Variants in EMC8 observed in about 807,000 individuals in gnomAD.
EMC8 encodes the protein ER membrane protein complex subunit 8.
EMC8 carries 11 observed loss-of-function variants against 24.3 expected under a neutral mutation model. The ratio of observed to expected loss-of-function variants is 0.45; its 90% CI spans 0.28 to 0.75. The LOEUF (loss-of-function observed/expected upper bound fraction) is 0.75. EMC8 is among the 30% of genes least tolerant of loss of function. EMC8 has a pLI of 0.12. For missense variants in EMC8, 277 were observed against 282.7 expected (o/e 0.98, Z 0.14); for synonymous variants, 145 against 117.7 (o/e 1.23, Z -1.50).
intron 1 of EMC8, chr16:85,793,069 G>A (rs1905084359): frequency 6.6e-6 from 1 of 152,180 alleles, no homozygotes; most frequent in African/African-American, 2.4e-5. Context: ...ACCACCCTCT[G>A]CTCAATGTCC....
At chr16:85,784,280 G>T (rs111938246) in intron 2 of EMC8, 1 of 152,212 alleles carries the variant, frequency 6.6e-6, no homozygotes, top group Non-Finnish European at 1.5e-5. Context: ...ATATAGGCGT[G>T]AGCCACCGCG....
chr16:85,786,318 C>T (rs941620398), intron 2 of EMC8, among the ~76,000 whole-genome samples: 9 of 152,192 alleles, frequency 5.9e-5, no homozygotes, highest in African/African-American at 2.2e-4. Context: ...AAATTTTCAG[C>T]TAGGTCTGGC....
chr16:85,786,405 G>A (rs1353275029), intron 2 of EMC8, among the ~76,000 whole-genome samples: 3 of 152,218 alleles, frequency 2.0e-5, no homozygotes, highest in Non-Finnish European at 4.4e-5. Context: ...TAGCTCCTGA[G>A]CTCCCAAGCT....
At chr16:85,791,303 T>A (rs1905000469) in intron 1 of EMC8, among the ~76,000 whole-genome samples, 1 of 152,190 alleles carries the variant, frequency 6.6e-6, no homozygotes, top group Non-Finnish European at 1.5e-5. Flanking sequence ...AAAGTGCATG[T>A]TTTATTTTTT....
chr16:85,794,655 C>G (rs773883627), intron 1 of EMC8, among the ~76,000 whole-genome samples: 4 of 152,192 alleles, frequency 2.6e-5, no homozygotes, highest in Admixed American at 6.5e-5. Flanking sequence ...CTCCACTGCA[C>G]TCCAGCCTGG....
Position 85,789,064 on chromosome 16 carries a change from A to G in EMC8, c.232-14T>C. 6.3e-7 allele frequency: 1 copy of G among 1,576,898 alleles called. No individual in the cohort carries two copies. Among genetic ancestry groups the G allele is most frequent in the Non-Finnish European group, 8.7e-7 (1 of 1,146,494 alleles). ...CCATGAATCAATCTGAAAGAGGAAC[A>G]AAAATTGGGAAAAGATGAATGACTC... On this transcript the variant is annotated splice_polypyrimidine_tract_variant and intron_variant, in intron 1 of 4. Transcript: ENST00000253457.
At chr16:85,780,500 G>A in intron 3 of EMC8, 27 bp from the exon 4 acceptor site, 1 of 1,571,722 alleles carries the variant, frequency 6.4e-7, no homozygotes. Flanking sequence ...GGACACGAGA[G>A]TGAACAGAAT....
intron 1 of EMC8, chr16:85,792,627 G>C (rs1284693361): frequency 6.6e-6 from 1 of 152,482 alleles, no homozygotes; most frequent in Non-Finnish European, 1.5e-5. Flanking sequence ...TGGGCTGGGG[G>C]AAGAGGATGG....
Position 85,779,880 on chromosome 16 carries a change from C to A in EMC8, c.474-13G>T. On this transcript the variant is annotated splice_polypyrimidine_tract_variant and intron_variant, in intron 4 of 4. Coordinates refer to ENST00000253457, the MANE Select transcript of EMC8 (RefSeq NM_006067.5). ...TTCACAGTAGTCACTACGGGTCAAA[C>A]ATGAAGAAGTCAGCATCTAACAGTG... The A allele has an allele frequency of 6.2e-7, 1 of 1,613,352 alleles. No individual in the cohort carries two copies. The highest frequency in any genetic ancestry group is 2.2e-5 in the East Asian group (1 of 44,872).
intron 2 of EMC8, among the ~76,000 whole-genome samples, chr16:85,785,292 G>A (rs938833103): frequency 6.6e-5 from 10 of 152,176 alleles, no homozygotes; most frequent in African/African-American, 1.9e-4. Context: ...GTAGTTGGCC[G>A]GGTGTGGTGG....
chr16:85,798,773 G>C (rs556246394), intron 1 of EMC8: 1 of 376,004 alleles, frequency 2.7e-6, no homozygotes, highest in African/African-American at 2.1e-5. Flanking sequence ...CCAAGTGAAC[G>C]ATGACTTGTT....
intron 1 of EMC8, among the ~76,000 whole-genome samples, chr16:85,798,376 C>T (rs1042930703): frequency 3.9e-5 from 6 of 152,234 alleles, no homozygotes; most frequent in African/African-American, 1.4e-4. Context: ...CCTGCCTCGG[C>T]CTCCCAAAGT....
intron 1 of EMC8, chr16:85,793,033 G>T (rs1456958731): frequency 6.6e-6 from 1 of 152,224 alleles, no homozygotes; most frequent in African/African-American, 2.4e-5. Flanking sequence ...TAGAGAGAAA[G>T]GACATTTTCA....
chr16:85,780,930 G>C (rs1904463123), intron 3 of EMC8: 1 of 511,744 alleles, frequency 2.0e-6, no homozygotes, highest in Non-Finnish European at 3.5e-6. Context: ...GATTCAGTGG[G>C]GTCTGGGGTG....
At chr16:85,790,680 G>A (rs1405747386) in intron 1 of EMC8, among the ~76,000 whole-genome samples, 3 of 152,056 alleles carry the variant, frequency 2.0e-5, no homozygotes, top group African/African-American at 7.2e-5. Flanking sequence ...TCCTGAGTGT[G>A]TCCTCCCCTA....
At chr16:85,793,655 A>G (rs1246712473) in intron 1 of EMC8, among the ~76,000 whole-genome samples, 1 of 152,238 alleles carries the variant, frequency 6.6e-6, no homozygotes, top group Non-Finnish European at 1.5e-5. Flanking sequence ...TGGAGGCCAC[A>G]GCAAGAATTC....
At position 85,780,382 on chromosome 16, in the gene EMC8, T is replaced by C. The variant is rs1347152433; in HGVS notation, c.470A>G (p.His157Arg). 5 of 1,613,198 alleles carry C rather than the reference T, an allele frequency of 3.1e-6. No individual in the cohort carries two copies. The highest frequency in any genetic ancestry group is 4.2e-6 in the Non-Finnish European group (5 of 1,179,192). Residue 157 changes from histidine (H) to arginine (R), a missense_variant, in exon 4 of 5, where the codon CAC becomes CGC. His to Arg is a conservative substitution (Grantham distance 29). Transcript: ENST00000253457. ...HENRWRCRDP[H>R]HDYCEDWPEA... ...CGGCAGCATGGGGCGCACTCACTGGTGTGGGTCTCTGCACCGCCATCTGTT... is the reference window on the plus strand; with the variant it reads ...CGGCAGCATGGGGCGCACTCACTGGCGTGGGTCTCTGCACCGCCATCTGTT...
chr16:85,791,119 T>C (rs1364890504), intron 1 of EMC8, among the ~76,000 whole-genome samples: 5 of 96,986 alleles, frequency 5.2e-5, no homozygotes, highest in South Asian at 3.5e-4. Context: ...CAAGCCACCA[T>C]GCCCAATTTT....
At chr16:85,793,596 G>T (rs1282578509) in intron 1 of EMC8, among the ~76,000 whole-genome samples, 1 of 152,212 alleles carries the variant, frequency 6.6e-6, no homozygotes, top group Non-Finnish European at 1.5e-5. Context: ...AGGGGCATGG[G>T]AGAGCTCCAG....
Sources: allele counts gnomAD v4.1 joint callset (sites outside exome capture counted in the v4.1 genomes callset), GRCh38; gene constraint gnomAD v4.1.1; transcripts MANE v1.5; gene names NCBI Gene and HGNC (gene_info 2026-07-23, HGNC 2026-07-21).